ACOXL: variants seen among roughly 807,000 people sequenced by gnomAD.
The protein encoded by ACOXL is acyl-coenzyme A oxidase-like protein.
ACOXL carries 70 observed loss-of-function variants against 71.9 expected under a neutral mutation model. The observed-to-expected ratio is 0.97, with a 90% CI of 0.80 to 1.19. The LOEUF is 1.19. ACOXL is among the 50% of genes most tolerant of loss of function. The pLI is 0.00. For missense variants in ACOXL, 703 were observed against 736.3 expected (o/e 0.95, Z 0.52); for synonymous variants, 253 against 281.6 (o/e 0.90, Z 1.02).
chr2:110,954,313 T>C (rs1368644504), intron 12 of ACOXL, among the ~76,000 whole-genome samples: 1 of 152,242 alleles, frequency 6.6e-6, no homozygotes, highest in Non-Finnish European at 1.5e-5. Context: ...CAATCTCATT[T>C]TTATCTGTTT....
chr2:110,888,028 GCT>G (rs1185826963), intron 10 of ACOXL: 2 of 152,194 alleles, frequency 1.3e-5, no homozygotes, highest in African/African-American at 4.8e-5. Flanking sequence ...GACTTTCTCT[GCT>G]GATAAATATT....
At chr2:111,111,118 T>A (rs1042279921) in intron 17 of ACOXL, among the ~76,000 whole-genome samples, 1 of 152,136 alleles carries the variant, frequency 6.6e-6, no homozygotes, top group Admixed American at 6.6e-5. Flanking sequence ...TTATTTTTTT[T>A]AAACAGGATC....
At chr2:111,054,214 G>A (rs1039026776) in intron 16 of ACOXL, among the ~76,000 whole-genome samples, 1 of 152,188 alleles carries the variant, frequency 6.6e-6, no homozygotes, top group Non-Finnish European at 1.5e-5. Flanking sequence ...GCTGCCTGTA[G>A]GAAAATAAAG....
chr2:110,809,815 A>G (rs1201109195), intron 9 of ACOXL, among the ~76,000 whole-genome samples: 1 of 152,190 alleles, frequency 6.6e-6, no homozygotes, highest in African/African-American at 2.4e-5. Context: ...GTCAGTGGCC[A>G]GTGTGGGCCC....
chr2:110,917,138 C>A (rs2059891343), intron 11 of ACOXL, among the ~76,000 whole-genome samples: 1 of 152,190 alleles, frequency 6.6e-6, no homozygotes, highest in Non-Finnish European at 1.5e-5. Flanking sequence ...CCCTGATGAA[C>A]ATCGATGGAA....
At chr2:110,827,292 A>G (rs1408956271) in intron 9 of ACOXL, among the ~76,000 whole-genome samples, 1 of 152,166 alleles carries the variant, frequency 6.6e-6, no homozygotes, top group African/African-American at 2.4e-5. Context: ...AGGGTGGGGC[A>G]TGGGCTCTCC....
Position 110,793,690 on chromosome 2 carries a change from A to G in ACOXL, c.200A>G (p.Asn67Ser). ...TGGCTATTTGGTGGTGCTATCAGGA[A>G]TCTCGGAAGCCCTGAACATGTTACT... ...IYWLFGGAIR[N>S]LGSPEHVTKW... The change falls in exon 4 of 18, where the codon AAT becomes AGT. Residue 67 changes from asparagine (N) to serine (S), a missense_variant. By Grantham distance (46) the Asn-to-Ser change is conservative. Coordinates refer to ENST00000439055, the MANE Select transcript of ACOXL (RefSeq NM_001142807.4). The G allele has an allele frequency of 2.5e-6, 4 of 1,614,072 alleles. No homozygotes were observed. The highest frequency in any genetic ancestry group is 3.4e-6 in the Non-Finnish European group (4 of 1,179,998).
At chr2:110,794,749 A>C (rs1425044344) in intron 5 of ACOXL, among the ~76,000 whole-genome samples, 1 of 151,906 alleles carries the variant, frequency 6.6e-6, no homozygotes, top group South Asian at 2.1e-4. Flanking sequence ...TTTCCTTTTC[A>C]TTCTTTTCTT....
intron 9 of ACOXL, among the ~76,000 whole-genome samples, chr2:110,820,315 G>A (rs1688446308): frequency 6.6e-6 from 1 of 152,158 alleles, no homozygotes; most frequent in South Asian, 2.1e-4. Context: ...CTAGGGAGAG[G>A]AAGTTAACTG....
intron 12 of ACOXL, among the ~76,000 whole-genome samples, chr2:110,947,503 C>G (rs2061152497): frequency 6.6e-6 from 1 of 152,214 alleles, no homozygotes; most frequent in African/African-American, 2.4e-5. Context: ...TTCCTTCTCT[C>G]TTAAGGCCCA....
chr2:110,837,564 AATT>A (rs1690607662), intron 9 of ACOXL, among the ~76,000 whole-genome samples: 2 of 151,934 alleles, frequency 1.3e-5, no homozygotes, highest in Admixed American at 1.3e-4. Context: ...TTTTATGGCA[AATT>A]ATTCTCAGAT....
intron 12 of ACOXL, among the ~76,000 whole-genome samples, chr2:110,966,189 C>T (rs1376515051): frequency 2.0e-5 from 3 of 152,140 alleles, no homozygotes; most frequent in East Asian, 1.9e-4. Context: ...TTTCATTCCT[C>T]TCCTGGTGGA....
chr2:110,782,966 G>A (rs59124448), intron 2 of ACOXL, among the ~76,000 whole-genome samples: 9,464 of 152,240 alleles, frequency 0.062, 1,003 homozygotes, highest in African/African-American at 0.22. Flanking sequence ...GTGAAAAATA[G>A]GGGTGGACCG....
chr2:111,047,010 C>T (rs1013163958), intron 15 of ACOXL, among the ~76,000 whole-genome samples: 1 of 152,184 alleles, frequency 6.6e-6, no homozygotes, highest in Non-Finnish European at 1.5e-5. Flanking sequence ...AAAGTGGCAG[C>T]ACTACTGTGG....
chr2:111,062,674 G>T (rs1212860367), intron 16 of ACOXL, among the ~76,000 whole-genome samples: 1 of 152,086 alleles, frequency 6.6e-6, no homozygotes, highest in African/African-American at 2.4e-5. Context: ...CCAAAACAGT[G>T]CTGAGAGGGA....
intron 12 of ACOXL, chr2:110,968,478 T>A: frequency 7.7e-7 from 1 of 1,303,578 alleles, no homozygotes; most frequent in Non-Finnish European, 1.1e-6. Context: ...TGGAAGAAGA[T>A]GAAGATGCTT....
chr2:111,084,784 TA>T (rs2068116736), intron 16 of ACOXL, among the ~76,000 whole-genome samples: 1 of 150,904 alleles, frequency 6.6e-6, no homozygotes, highest in South Asian at 2.1e-4. Flanking sequence ...GCCAGCTTGA[TA>T]AAGAGCAAGA....
At chr2:110,939,507 G>A (rs976868213) in intron 12 of ACOXL, among the ~76,000 whole-genome samples, 1 of 151,998 alleles carries the variant, frequency 6.6e-6, no homozygotes, top group African/African-American at 2.4e-5. Context: ...TTTCATAGCC[G>A]GTACCATTTA....
At chr2:111,020,835 C>T (rs1460325356) in intron 14 of ACOXL, among the ~76,000 whole-genome samples, 3 of 152,146 alleles carry the variant, frequency 2.0e-5, no homozygotes, top group African/African-American at 7.2e-5. Context: ...AGTGTGTGAC[C>T]TAGAGACAGA....
Sources: gnomAD v4.1 joint callset for allele counts (sites outside exome capture counted in the v4.1 genomes callset) on GRCh38, gnomAD v4.1.1 for gene constraint, MANE v1.5 for transcripts, NCBI Gene and HGNC (gene_info 2026-07-23, HGNC 2026-07-21) for gene names.